Variants in ITPR1 observed in about 807,000 individuals in gnomAD.
The protein encoded by ITPR1 is inositol 1,4,5-trisphosphate receptor type 1, also known as inositol 1,4,5-trisphosphate-gated calcium channel ITPR1.
A neutral mutation model predicts 318.4 loss-of-function variants in ITPR1; 96 were observed. The ratio of observed to expected loss-of-function variants is 0.30; its 90% CI spans 0.26 to 0.36. The LOEUF is 0.36. ITPR1 is among the 10% of genes least tolerant of loss of function. The probability of loss-of-function intolerance (pLI) is 1.00; values close to 1 mark genes in which losing one functional copy is unlikely to be tolerated. For synonymous variants in ITPR1, 1,312 were observed against 1,289.9 expected, an observed-to-expected ratio of 1.02 and a Z score of -0.37; for missense variants, 2,440 against 3,460.2, an observed-to-expected ratio of 0.71 and a Z score of 7.40.
At chr3:4,533,123 T>C (rs2083554220) in intron 4 of ITPR1, among the ~76,000 whole-genome samples, 1 of 152,194 alleles carries the variant, frequency 6.6e-6, no homozygotes, top group Non-Finnish European at 1.5e-5. Context: ...ACAGATGCAC[T>C]GTAGACAAGA....
At chr3:4,690,503 AC>A (rs983309191) in intron 31 of ITPR1, among the ~76,000 whole-genome samples, 1 of 152,182 alleles carries the variant, frequency 6.6e-6, no homozygotes, top group African/African-American at 2.4e-5. Flanking sequence ...GTAGAATGCA[AC>A]TTGTTAACAT....
chr3:4,823,390 T>A (rs2068868813), intron 60 of ITPR1, among the ~76,000 whole-genome samples: 2 of 152,090 alleles, frequency 1.3e-5, no homozygotes, highest in Admixed American at 6.5e-5. Flanking sequence ...ACAGTAACAA[T>A]ATGAAACTAA....
chr3:4,646,900 A>G (rs908517198), intron 10 of ITPR1, among the ~76,000 whole-genome samples: 7 of 151,994 alleles, frequency 4.6e-5, no homozygotes, highest in African/African-American at 1.2e-4. Context: ...CCTAGCTTCA[A>G]TTGTTTCATG....
chr3:4,841,549 C>T (rs2051345304), intron 61 of ITPR1, among the ~76,000 whole-genome samples: 1 of 152,240 alleles, frequency 6.6e-6, no homozygotes, highest in East Asian at 1.9e-4. Flanking sequence ...ATCCTCTTCT[C>T]TGCCTTCAAG....
In ITPR1 at chr3:4,846,938, A is replaced by C. The variant is rs1490759770; in HGVS notation, c.*713A>C. ...TTTAAACTATTTCTTTAAATAAGAG[A>C]GCCAAATTAGAGGCTCATACTTTAG... On this transcript the variant is annotated 3_prime_UTR_variant, in exon 62 of 62. Transcript: ENST00000649015. 1.3e-5 allele frequency: 2 copies of C among 152,662 alleles called. No individual in the cohort carries two copies. Among genetic ancestry groups the C allele is most frequent in the African/African-American group, 4.8e-5 (2 of 41,460 alleles). The allele number at this position is 152,662 out of a possible 1,614,324, so 9.5% of individuals were successfully genotyped here.
chr3:4,672,153 A>T lies in ITPR1; in HGVS notation c.2205-983A>T, dbSNP rs60016814. The stretch of plus-strand genomic sequence containing the variant: ...TCTTCATTCAAATTTTTCTGAGTAT[A>T]TGTATGAATTTCCATTCCACACTGG... On this transcript the variant is annotated intron_variant, in intron 20 of 61. Coordinates refer to ENST00000649015, the MANE Select transcript of ITPR1 (RefSeq NM_001378452.1). Among the ~76,000 whole-genome samples the T allele has an allele frequency of 6.0e-3, 916 of 152,312 alleles. 9 individuals are homozygous for T. Among genetic ancestry groups the T allele is most frequent in the Middle Eastern group, 0.054 (16 of 294 alleles).
intron 44 of ITPR1, among the ~76,000 whole-genome samples, chr3:4,766,270 C>T (rs2045811996): frequency 1.3e-5 from 2 of 152,196 alleles, no homozygotes; most frequent in Admixed American, 6.5e-5. Context: ...ACAGTCTGCC[C>T]ACCACACTCG....
At chr3:4,590,069 G>T (rs146988552) in intron 4 of ITPR1, among the ~76,000 whole-genome samples, 1 of 151,574 alleles carries the variant, frequency 6.6e-6, no homozygotes, top group Admixed American at 6.6e-5. Context: ...CTTGTTTCAC[G>T]CCTCTGCACA....
intron 4 of ITPR1, among the ~76,000 whole-genome samples, chr3:4,620,370 G>A (rs2092579867): frequency 1.3e-5 from 2 of 152,150 alleles, no homozygotes; most frequent in African/African-American, 2.4e-5. Context: ...GACTATATGG[G>A]GTGGGTGGAC....
chr3:4,653,302 C>A (rs570993077), intron 11 of ITPR1, among the ~76,000 whole-genome samples: 1 of 152,228 alleles, frequency 6.6e-6, no homozygotes, highest in South Asian at 2.1e-4. Flanking sequence ...CAGCCCCCCA[C>A]GGTGCCTAAT....
intron 26 of ITPR1, among the ~76,000 whole-genome samples, chr3:4,682,210 A>T (rs2094315810): frequency 6.6e-6 from 1 of 152,150 alleles, no homozygotes; most frequent in African/African-American, 2.4e-5. Flanking sequence ...TGGGGCTGGC[A>T]CCTCCAAGTT....
At chr3:4,742,489 C>T (rs192680437) in intron 44 of ITPR1, among the ~76,000 whole-genome samples, 140 of 152,308 alleles carry the variant, frequency 9.2e-4, no homozygotes, top group African/African-American at 3.1e-3. Flanking sequence ...TGGTTCCTGA[C>T]TTGGAGAATA....
At chr3:4,514,810 G>T (rs1394866683) in intron 2 of ITPR1, among the ~76,000 whole-genome samples, 1 of 152,174 alleles carries the variant, frequency 6.6e-6, no homozygotes, top group African/African-American at 2.4e-5. Context: ...AGCGCAGAAG[G>T]GAAATATTAA....
At chr3:4,532,530 C>A (rs1047405587) in intron 4 of ITPR1, among the ~76,000 whole-genome samples, 1 of 152,018 alleles carries the variant, frequency 6.6e-6, no homozygotes, top group African/African-American at 2.4e-5. Flanking sequence ...GTCACCACAC[C>A]CAGCTAATTT....
At chr3:4,570,113 T>C (rs534155708) in intron 4 of ITPR1, among the ~76,000 whole-genome samples, 1 of 152,128 alleles carries the variant, frequency 6.6e-6, no homozygotes, top group Non-Finnish European at 1.5e-5. Context: ...CAAATATAGT[T>C]GCCGAAAAAA....
At chr3:4,675,597 A>G (rs1055998989) in intron 23 of ITPR1, among the ~76,000 whole-genome samples, 3 of 152,230 alleles carry the variant, frequency 2.0e-5, no homozygotes, top group African/African-American at 7.2e-5. Flanking sequence ...ATGTTTATAT[A>G]ACAAATACAT....
chr3:4,638,670 CA>C (rs1204072326), intron 5 of ITPR1, among the ~76,000 whole-genome samples: 1 of 152,210 alleles, frequency 6.6e-6, no homozygotes, highest in African/African-American at 2.4e-5. Context: ...AAGGGTATAA[CA>C]AATCCCTTTC....
chr3:4,494,654 G>T (rs1350479161), intron 2 of ITPR1, 148 bp downstream of exon 2: 1 of 152,258 alleles, frequency 6.6e-6, no homozygotes, highest in Non-Finnish European at 1.5e-5. Flanking sequence ...TCTGCCTTTG[G>T]TGAGGGCTTT....
intron 11 of ITPR1, 137 bp from the exon 12 acceptor site, chr3:4,653,705 G>C (rs796682619): frequency 1.6e-6 from 1 of 625,422 alleles, no homozygotes; most frequent in South Asian, 2.0e-5. Flanking sequence ...GTGGCATGCT[G>C]GTTTTGTGAA....
Sources: allele counts gnomAD v4.1 joint callset (sites outside exome capture counted in the v4.1 genomes callset), GRCh38; gene constraint gnomAD v4.1.1; transcripts MANE v1.5; gene names NCBI Gene and HGNC (gene_info 2026-07-23, HGNC 2026-07-21).